NXPH4: variants seen among roughly 807,000 people sequenced by gnomAD.
NXPH4 encodes neurexophilin 4.
In NXPH4, 8 loss-of-function variants were observed where a neutral mutation model predicts 21.3. That is an observed-to-expected ratio of 0.38 (90% confidence interval 0.22 to 0.68). The LOEUF is 0.68. NXPH4 is among the 30% of genes least tolerant of loss of function. The pLI, the probability that NXPH4 is intolerant of heterozygous loss-of-function variation, is 0.53. For missense variants in NXPH4, 418 were observed against 416.8 expected (o/e 1.00, Z -0.03); for synonymous variants, 219 against 192.6 (o/e 1.14, Z -1.13).
intron 1 of NXPH4, among the ~76,000 whole-genome samples, chr12:57,218,210 A>C (rs1332539370): frequency 6.6e-6 from 1 of 152,184 alleles, no homozygotes; most frequent in Non-Finnish European, 1.5e-5. Flanking sequence ...CTGCCTGCTC[A>C]GCCAAATCAC....
intron 1 of NXPH4, among the ~76,000 whole-genome samples, chr12:57,223,855 A>T (rs1047146363): frequency 2.6e-5 from 4 of 152,110 alleles, no homozygotes; most frequent in African/African-American, 9.7e-5. Context: ...TGTCTCCAAG[A>T]TCGGTGGCCA....
chr12:57,217,065 G>C, intron 1 of NXPH4, 39 bp downstream of exon 1: 1 of 1,562,076 alleles, frequency 6.4e-7, no homozygotes, highest in South Asian at 1.2e-5. Context: ...GCGGGCGCGG[G>C]GTTCCGGGAC....
At chr12:57,223,780 A>T (rs1349187915) in intron 1 of NXPH4, among the ~76,000 whole-genome samples, 3 of 152,020 alleles carry the variant, frequency 2.0e-5, no homozygotes, top group African/African-American at 7.2e-5. Flanking sequence ...ACCCCAGATA[A>T]TTGATGGCCC....
chr12:57,220,597 G>T (rs2037082158), intron 1 of NXPH4, among the ~76,000 whole-genome samples: 1 of 152,092 alleles, frequency 6.6e-6, no homozygotes, highest in Non-Finnish European at 1.5e-5. Context: ...CCCCACCAGC[G>T]GTCCCCGCCC....
intron 1 of NXPH4, chr12:57,221,185 CCT>C: frequency 2.7e-6 from 1 of 376,430 alleles, no homozygotes; most frequent in South Asian, 1.9e-5. Context: ...GTCCACCCCA[CCT>C]CTCTCCTCAC....
intron 1 of NXPH4, among the ~76,000 whole-genome samples, chr12:57,220,248 C>T (rs1452628796): frequency 6.6e-6 from 1 of 152,152 alleles, no homozygotes; most frequent in Non-Finnish European, 1.5e-5. Flanking sequence ...CCCCGCCTGC[C>T]CCTCCTCCAC....
intron 1 of NXPH4, among the ~76,000 whole-genome samples, chr12:57,223,154 C>G (rs1158603707): frequency 6.6e-6 from 1 of 152,160 alleles, no homozygotes; most frequent in African/African-American, 2.4e-5. Context: ...ACAGCAAGAC[C>G]ACACTTGTTC....
chr12:57,223,070 G>A (rs925750431), intron 1 of NXPH4, among the ~76,000 whole-genome samples: 1 of 152,042 alleles, frequency 6.6e-6, no homozygotes, highest in Non-Finnish European at 1.5e-5. Context: ...CACAGCCTGT[G>A]GGCCAGTGTA....
chr12:57,218,115 G>A (rs1362765569), intron 1 of NXPH4, among the ~76,000 whole-genome samples: 1 of 152,166 alleles, frequency 6.6e-6, no homozygotes, highest in African/African-American at 2.4e-5. Flanking sequence ...GGGCAGGCAG[G>A]TCATTCCCCA....
chr12:57,225,251 C>T lies in NXPH4; in HGVS notation c.431C>T (p.Ser144Leu). ...TTCAGTGTGTATTTCCGCCACAACT[C>T]GTCCAGCCTGGGCAACCTCAGTGTC... is the stretch of plus-strand genomic sequence containing the variant. ...GTFSVYFRHN[S>L]SSLGNLSVSI... The change falls in exon 2 of 2, where the codon TCG becomes TTG. Residue 144 changes from serine to leucine, a missense_variant. Physicochemically the swap from Ser to Leu is moderately radical, Grantham distance 145. Transcript: ENST00000349394. 6.4e-7 allele frequency: 1 copy of T among 1,550,678 alleles called. No homozygotes were observed. The highest frequency in any genetic ancestry group is 8.7e-7 in the Non-Finnish European group (1 of 1,150,072).
In NXPH4 at chr12:57,226,087, C is replaced by A; in HGVS notation, c.*340C>A. ...GCGCTAGGCTGCGCACTCCCTTTCC[C>A]CGCAGCTTTAATAACTCCTGGCCTG... On this transcript the variant is annotated 3_prime_UTR_variant, in exon 2 of 2. Transcript: ENST00000349394. 1 of 539,292 alleles carries A rather than the reference C, an allele frequency of 1.9e-6. No homozygotes were observed. The highest frequency in any genetic ancestry group is 4.4e-5 in the South Asian group (1 of 22,914). 33.4% of individuals were successfully genotyped at this position (539,292 alleles called of 1,614,324 possible). A position where few individuals can be genotyped will look rare whatever the true frequency, so the allele number is the denominator to read the frequency against.
At position 57,216,859 on chromosome 12, in the gene NXPH4, TCCC is replaced by T. The variant is rs2037042840; in HGVS notation, c.-110_-108del. ...CCGCCGCTCCCGCCGCTCCCGCCGC[TCCC>T]GCCGCTCCCGCAGCCGCCCCGCCGC... On this transcript the variant is annotated 5_prime_UTR_variant, in exon 1 of 2. Coordinates refer to ENST00000349394, the MANE Select transcript of NXPH4 (RefSeq NM_007224.4). This position sits in a 1 kb window ranked among gnomAD's most constrained non-coding sequence, Gnocchi z 5.3. The T allele has an allele frequency of 1.3e-5, 7 of 547,140 alleles. No homozygotes were observed. The highest frequency in any genetic ancestry group is 1.6e-5 in the Non-Finnish European group (7 of 438,148). 33.9% of individuals were successfully genotyped at this position (547,140 alleles called of 1,614,324 possible). A position where few individuals can be genotyped will look rare whatever the true frequency, so the allele number is the denominator to read the frequency against.
At chr12:57,224,617 C>T (rs527791751) in intron 1 of NXPH4, among the ~76,000 whole-genome samples, 1 of 152,314 alleles carries the variant, frequency 6.6e-6, no homozygotes, top group South Asian at 2.1e-4. Context: ...CTCATTGGAG[C>T]TCTGTGGGCC....
intron 1 of NXPH4, among the ~76,000 whole-genome samples, chr12:57,219,086 G>A (rs1193890914): frequency 1.3e-5 from 2 of 152,142 alleles, no homozygotes; most frequent in Non-Finnish European, 2.9e-5. Context: ...AGGGTGTCTT[G>A]GTGCCAGCAC....
rs2037138542 is a variant in NXPH4 at position 57,225,678 on chromosome 12, T to C, written c.858T>C (p.Phe286=). 2 of 1,613,926 alleles carry C rather than the reference T, an allele frequency of 1.2e-6. No individual in the cohort carries two copies. The highest frequency in any genetic ancestry group is 3.3e-5 in the Admixed American group (2 of 60,026). The change falls in exon 2 of 2, where the codon TTT becomes TTC. Residue 286 remains phenylalanine, a synonymous_variant. Coordinates refer to ENST00000349394, the MANE Select transcript of NXPH4 (RefSeq NM_007224.4). The part of the protein sequence containing the change: ...VICIFVSFLS[F]DYKLVQKVCP... ...GTATCTTCGTCTCTTTCCTCAGCTT[T>C]GACTACAAACTGGTGCAGAAGGTGT...
In NXPH4 at chr12:57,224,920, C is replaced by T. The variant is rs374194677; in HGVS notation, c.100C>T (p.Leu34=). The T allele has an allele frequency of 5.3e-5, 70 of 1,325,212 alleles. No individual in the cohort carries two copies. The highest frequency in any genetic ancestry group is 4.7e-4 in the Admixed American group (16 of 33,824). The allele number at this position is 1,325,212 out of a possible 1,614,324, so 82.1% of individuals were successfully genotyped here. A position where few individuals can be genotyped will look rare whatever the true frequency, so the allele number is the denominator to read the frequency against. The part of the protein sequence containing the change: ...QIPESGRPQY[L]GLRPAAAGAG... The stretch of plus-strand genomic sequence containing the variant: ...ACCAGAGTCCGGAAGGCCGCAGTAC[C>T]TGGGGCTGCGCCCCGCCGCGGCCGG... The change falls in exon 2 of 2, where the codon CTG becomes TTG. Residue 34 remains leucine, a synonymous_variant. Transcript: ENST00000349394.
intron 1 of NXPH4, among the ~76,000 whole-genome samples, chr12:57,224,058 G>T (rs996756952): frequency 2.6e-5 from 4 of 152,232 alleles, no homozygotes; most frequent in African/African-American, 9.6e-5. Context: ...AGGCCCAGGT[G>T]GGGGCTCTGG....
intron 1 of NXPH4, among the ~76,000 whole-genome samples, chr12:57,219,289 C>G (rs2136766949): frequency 6.6e-6 from 1 of 152,264 alleles, no homozygotes; most frequent in South Asian, 2.1e-4. Context: ...GCCTGGGACT[C>G]CTGGCTTCCA....
intron 1 of NXPH4, among the ~76,000 whole-genome samples, chr12:57,221,895 A>C (rs2037095336): frequency 6.6e-6 from 1 of 152,176 alleles, no homozygotes. Context: ...GAAGGACAGC[A>C]GGAGAGAACC....
Sources: allele counts gnomAD v4.1 joint callset (sites outside exome capture counted in the v4.1 genomes callset), GRCh38; gene constraint gnomAD v4.1.1; non-coding constraint Gnocchi (gnomAD v3.1); transcripts MANE v1.5; gene names NCBI Gene and HGNC (gene_info 2026-07-23, HGNC 2026-07-21).